The following KLHDC10 variants were observed in gnomAD, a reference collection of about 807,000 sequenced individuals.
KLHDC10 encodes the protein kelch domain-containing protein 10.
Under a neutral mutation model 56.1 loss-of-function variants are expected in KLHDC10, and 24 were observed. The ratio of observed to expected loss-of-function variants is 0.43; its 90% CI spans 0.31 to 0.60. The LOEUF is 0.60. Ranked by LOEUF, KLHDC10 falls within the 20% of genes least tolerant of loss-of-function variation. KLHDC10 has a pLI of 0.11. For missense variants in KLHDC10, 349 were observed against 567.0 expected, an observed-to-expected ratio of 0.62 and a Z score of 3.91; for synonymous variants, 188 against 207.1, an observed-to-expected ratio of 0.91 and a Z score of 0.79.
chr7:130,129,711 C>T lies in KLHDC10; in HGVS notation c.1119+135C>T, dbSNP rs1352226381. On this transcript the variant is annotated intron_variant, in intron 9 of 9. Coordinates refer to ENST00000335420, the MANE Select transcript of KLHDC10 (RefSeq NM_014997.4). ...ATAACATATTTTTAAAACTTCCTTC[C>T]AAAGCTAGGCCCTCCTCTAAGAAAA... 4.1e-6 allele frequency: 3 copies of T among 738,700 alleles called. No individual in the cohort carries two copies. The Admixed American group carries it at 1.0e-4, about 25-fold the overall frequency. 45.8% of individuals were successfully genotyped at this position (738,700 alleles called of 1,614,324 possible).
At chr7:130,128,887 A>ATATAT (rs1434178196) in intron 8 of KLHDC10, among the ~76,000 whole-genome samples, 22 of 68,246 alleles carry the variant, frequency 3.2e-4, no homozygotes, top group African/African-American at 1.2e-3. Context: ...AAAAAAAAAA[A>ATATAT]AAATATATAT....
intron 5 of KLHDC10, among the ~76,000 whole-genome samples, chr7:130,124,132 T>A (rs1218905056): frequency 6.6e-6 from 1 of 152,212 alleles, no homozygotes; most frequent in Non-Finnish European, 1.5e-5. Flanking sequence ...GTTTAATGTT[T>A]TGGATGATAT....
intron 2 of KLHDC10, among the ~76,000 whole-genome samples, chr7:130,100,602 T>C (rs887070856): frequency 6.6e-6 from 1 of 152,244 alleles, no homozygotes; most frequent in African/African-American, 2.4e-5. Context: ...AACTAATGAA[T>C]TGTTGAGAAC....
At chr7:130,128,917 T>TATATATATATATATATATATATAC (rs1563107701) in intron 8 of KLHDC10, among the ~76,000 whole-genome samples, 1 of 124,804 alleles carries the variant, frequency 8.0e-6, no homozygotes, top group Non-Finnish European at 1.6e-5. Flanking sequence ...TATATATATA[T>TATATATATATATATATATATATAC]ATACATACTA....
chr7:130,083,303 A>C (rs538843511), intron 1 of KLHDC10, among the ~76,000 whole-genome samples: 1 of 152,330 alleles, frequency 6.6e-6, no homozygotes, highest in South Asian at 2.1e-4. Context: ...AGAATTGGTC[A>C]CAATTCGATA....
intron 2 of KLHDC10, among the ~76,000 whole-genome samples, chr7:130,103,931 T>C: frequency 6.6e-6 from 1 of 151,692 alleles, no homozygotes; most frequent in East Asian, 1.9e-4. Flanking sequence ...CTACTAAAAA[T>C]ACAAAAATTA....
At chr7:130,093,111 G>A (rs1474997744) in intron 1 of KLHDC10, among the ~76,000 whole-genome samples, 1 of 151,490 alleles carries the variant, frequency 6.6e-6, no homozygotes, top group Admixed American at 6.6e-5. Flanking sequence ...CAATGACTAT[G>A]TTATATTTAT....
At chr7:130,088,935 A>G (rs1172959152) in intron 1 of KLHDC10, among the ~76,000 whole-genome samples, 1 of 152,088 alleles carries the variant, frequency 6.6e-6, no homozygotes, top group Non-Finnish European at 1.5e-5. Context: ...CCCTGGCCTC[A>G]ATTTATTTTT....
intron 2 of KLHDC10, among the ~76,000 whole-genome samples, chr7:130,113,794 G>GAAT (rs1480481510): frequency 6.6e-6 from 1 of 152,166 alleles, no homozygotes; most frequent in Admixed American, 6.5e-5. Flanking sequence ...AGAAAATGTA[G>GAAT]AATAGACTGC....
chr7:130,070,728 G>C lies in KLHDC10; in HGVS notation c.85G>C (p.Gly29Arg), dbSNP rs1037010334. The stretch of plus-strand genomic sequence containing the variant: ...TGGTGGCGGAGGTAGCGGGGCCGGC[G>C]GGGGCAGTGGGGGCAGCGGGGGTCG... ...GAGGGGSGAG[G>R]GSGGSGGRGT... The change falls in exon 1 of 10, where the codon GGG becomes CGG. Residue 29 changes from glycine (G) to arginine (R), a missense_variant. This residue lies in a region of KLHDC10 where 104 missense variants were observed against 97.0 expected (regional missense o/e 1.07). Coordinates refer to ENST00000335420, the MANE Select transcript of KLHDC10 (RefSeq NM_014997.4). The C allele has an allele frequency of 1.5e-5, 19 of 1,279,994 alleles. No homozygotes were observed. Among genetic ancestry groups the C allele is most frequent in the Middle Eastern group, 6.0e-4 (2 of 3,324 alleles). 79.3% of individuals were successfully genotyped at this position (1,279,994 alleles called of 1,614,324 possible). A position where few individuals can be genotyped will look rare whatever the true frequency, so the allele number is the denominator to read the frequency against.
chr7:130,118,472 C>T (rs1164538965), intron 3 of KLHDC10, among the ~76,000 whole-genome samples: 1 of 152,242 alleles, frequency 6.6e-6, no homozygotes, highest in Non-Finnish European at 1.5e-5. Flanking sequence ...TCTGTCCAGA[C>T]CACTTAAACT....
At chr7:130,080,160 G>A (rs574824665) in intron 1 of KLHDC10, among the ~76,000 whole-genome samples, 1 of 151,876 alleles carries the variant, frequency 6.6e-6, no homozygotes, top group African/African-American at 2.4e-5. Context: ...TAGGCTGGTT[G>A]CAAACTCCTG....
intron 2 of KLHDC10, among the ~76,000 whole-genome samples, chr7:130,097,850 T>G (rs916130841): frequency 5.9e-5 from 9 of 152,198 alleles, no homozygotes; most frequent in East Asian, 3.8e-4. Context: ...CTTTTTATTT[T>G]TTCTACTAAT....
chr7:130,075,201 G>T (rs72607759), intron 1 of KLHDC10, among the ~76,000 whole-genome samples: 18,074 of 152,182 alleles, frequency 0.12, 1,258 homozygotes, highest in East Asian at 0.3. Context: ...TGGAATTCAG[G>T]TAGCTGTTGT....
At chr7:130,111,526 T>C (rs1441399181) in intron 2 of KLHDC10, among the ~76,000 whole-genome samples, 3 of 152,082 alleles carry the variant, frequency 2.0e-5, no homozygotes, top group Non-Finnish European at 2.9e-5. Context: ...CTGGGCAACA[T>C]AATGATGCCT....
chr7:130,122,514 A>G (rs1249528611), intron 5 of KLHDC10, among the ~76,000 whole-genome samples: 1 of 152,168 alleles, frequency 6.6e-6, no homozygotes, highest in Non-Finnish European at 1.5e-5. Context: ...ACCAAATTTC[A>G]TATTACAGGC....
Position 130,134,269 on chromosome 7 carries a change from A to G in KLHDC10, c.*3523A>G, listed in dbSNP as rs1796438160. On this transcript the variant is annotated 3_prime_UTR_variant, in exon 10 of 10. Transcript: ENST00000335420. ...CAGTAGGAGCTGACAACCAGTGACCATATAAGCAGCTGATTGCCTGTAATT... is the reference window on the plus strand; with the variant it reads ...CAGTAGGAGCTGACAACCAGTGACCGTATAAGCAGCTGATTGCCTGTAATT... The G allele has an allele frequency of 6.6e-6, 1 of 152,226 alleles. No homozygotes were observed. Among genetic ancestry groups the G allele is most frequent in the Admixed American group, 6.5e-5 (1 of 15,282 alleles). The allele number at this position is 152,226 out of a possible 1,614,324, so 9.4% of individuals were successfully genotyped here.
Position 130,116,338 on chromosome 7 carries a change from T to G in KLHDC10, c.254-107T>G, listed in dbSNP as rs1429698728. The stretch of plus-strand genomic sequence containing the variant: ...ACAAATAAGAAGTATATCCATGTTA[T>G]AAATCCTTCCTGGTCCCCTTTTATG... On this transcript the variant is annotated intron_variant, in intron 2 of 9. Coordinates refer to ENST00000335420, the MANE Select transcript of KLHDC10 (RefSeq NM_014997.4). The surrounding 1 kb of genome is among the most constrained non-coding windows in gnomAD (Gnocchi z 4.8). 1 of 737,262 alleles carries G rather than the reference T, an allele frequency of 1.4e-6. No homozygotes were observed. 45.7% of individuals were successfully genotyped at this position (737,262 alleles called of 1,614,324 possible).
intron 1 of KLHDC10, among the ~76,000 whole-genome samples, chr7:130,093,585 T>C (rs1795808943): frequency 6.6e-6 from 1 of 152,172 alleles, no homozygotes. Flanking sequence ...TTTGAATATA[T>C]AAAAATTAAA....
Sources: allele counts gnomAD v4.1 joint callset (sites outside exome capture counted in the v4.1 genomes callset), GRCh38; gene constraint gnomAD v4.1.1; regional missense constraint gnomAD v4.1.1; non-coding constraint Gnocchi (gnomAD v3.1); transcripts MANE v1.5; gene names NCBI Gene and HGNC (gene_info 2026-07-23, HGNC 2026-07-21).